Variants in LEPROT observed in about 807,000 individuals in gnomAD.
LEPROT encodes the protein leptin receptor gene-related protein.
Under a neutral mutation model 15.4 loss-of-function variants are expected in LEPROT, and 3 were observed. The ratio of observed to expected loss-of-function variants is 0.19; its 90% confidence interval spans 0.09 to 0.50. LEPROT has a LOEUF of 0.50. Among genes scored for constraint, LEPROT ranks in the 20% least tolerant of loss-of-function variants. The probability of loss-of-function intolerance (pLI) is 0.97; values close to 1 mark genes in which losing one functional copy is unlikely to be tolerated. For missense variants in LEPROT, 137 were observed against 162.2 expected (o/e 0.84, Z 0.84); for synonymous variants, 59 against 57.5 (o/e 1.03, Z -0.12).
intron 2 of LEPROT, among the ~76,000 whole-genome samples, chr1:65,426,172 C>T (rs575003739): frequency 2.6e-5 from 4 of 152,116 alleles, no homozygotes; most frequent in Admixed American, 1.3e-4. Context: ...GCAAGCAGGC[C>T]ATACAGATCT....
At chr1:65,421,235 A>C (rs1646243671) in intron 1 of LEPROT, 2 of 1,345,890 alleles carry the variant, frequency 1.5e-6, no homozygotes, top group Admixed American at 2.9e-5. Context: ...AATGGAAAGC[A>C]CCCAGAAAGA....
chr1:65,428,207 T>TTA (rs1159308157), intron 2 of LEPROT, among the ~76,000 whole-genome samples: 1 of 152,206 alleles, frequency 6.6e-6, no homozygotes, highest in Non-Finnish European at 1.5e-5. Flanking sequence ...TATTTACATT[T>TTA]TATATATAAA....
rs1405812433 is a variant in LEPROT, at chr1:65,433,185, C to T, written c.*1266C>T. ...CCCTCTGCCCCCCACCCCTACTCCTCAACAGTTCTGGTTTGCCCTGACTTC... is the reference window on the plus strand; with the variant it reads ...CCCTCTGCCCCCCACCCCTACTCCTTAACAGTTCTGGTTTGCCCTGACTTC... On this transcript the variant is annotated 3_prime_UTR_variant, in exon 4 of 4. Coordinates refer to ENST00000371065, the MANE Select transcript of LEPROT (RefSeq NM_017526.5). 11 of 985,350 alleles carry T rather than the reference C, an allele frequency of 1.1e-5. No homozygotes were observed. The highest frequency in any genetic ancestry group is 1.7e-5 in the African/African-American group (1 of 57,222). 61.0% of individuals were successfully genotyped at this position (985,350 alleles called of 1,614,324 possible).
rs556832881 is a variant in LEPROT at position 65,421,304 on chromosome 1, G to A, written c.16+564G>A. The A allele has an allele frequency of 2.9e-5, 43 of 1,507,850 alleles. No individual in the cohort carries two copies. The Middle Eastern group carries it at 5.1e-4, about 18-fold the overall frequency. The allele number at this position is 1,507,850 out of a possible 1,614,324, so 93.4% of individuals were successfully genotyped here. On this transcript the variant is annotated intron_variant, in intron 1 of 3. Coordinates refer to ENST00000371065, the MANE Select transcript of LEPROT (RefSeq NM_017526.5). ...GTGTAATTTTAATACTGCTTTCTTC[G>A]GTGTTTTCTCTGTTTATGGACAGAG...
intron 2 of LEPROT, among the ~76,000 whole-genome samples, chr1:65,429,337 A>T (rs527595989): frequency 9.3e-4 from 141 of 152,316 alleles, no homozygotes; most frequent in Non-Finnish European, 1.5e-3. Flanking sequence ...GACAGAAAAA[A>T]GGCTGGTGTG....
rs1275258697 is a variant in LEPROT, at chr1:65,435,867, A to G, written c.*3948A>G. 5.1e-6 allele frequency: 5 copies of G among 984,066 alleles called. No homozygotes were observed. The African/African-American group carries it at 8.7e-5, about 17-fold the overall frequency. The allele number at this position is 984,066 out of a possible 1,614,324, so 61.0% of individuals were successfully genotyped here. The stretch of plus-strand genomic sequence containing the variant: ...TTGTCTCATGAAGTACCTTATTGCA[A>G]AAATCCCACTGAGTAATAGCTCATA... On this transcript the variant is annotated 3_prime_UTR_variant, in exon 4 of 4. Transcript: ENST00000371065.
At chr1:65,431,453 A>G (rs1646483167) in intron 3 of LEPROT, among the ~76,000 whole-genome samples, 1 of 152,256 alleles carries the variant, frequency 6.6e-6, no homozygotes, top group Non-Finnish European at 1.5e-5. Context: ...TTTATTTTCC[A>G]TGAAAGAAGT....
intron 1 of LEPROT, among the ~76,000 whole-genome samples, chr1:65,421,894 G>A (rs1646258686): frequency 6.6e-6 from 1 of 152,194 alleles, no homozygotes; most frequent in Non-Finnish European, 1.5e-5. Context: ...AATGGAAACG[G>A]ACTAAGGGAA....
Position 65,435,805 on chromosome 1 carries a change from T to TAA in LEPROT, c.*3887_*3888insAA, listed in dbSNP as rs1283334033. 2 of 981,598 alleles carry TAA rather than the reference T, an allele frequency of 2.0e-6. No homozygotes were observed. Among genetic ancestry groups the TAA allele is most frequent in the Non-Finnish European group, 2.4e-6 (2 of 826,560 alleles). The allele number at this position is 981,598 out of a possible 1,614,324, so 60.8% of individuals were successfully genotyped here. A position where few individuals can be genotyped will look rare whatever the true frequency, so the allele number is the denominator to read the frequency against. On this transcript the variant is annotated 3_prime_UTR_variant, in exon 4 of 4. Coordinates refer to ENST00000371065, the MANE Select transcript of LEPROT (RefSeq NM_017526.5). ...TATTATGTCTGTAGTAGATAAATAT[T>TAA]AGTTGTGCATTTTAATTTAATTCTC... is the stretch of plus-strand genomic sequence containing the variant.
At chr1:65,426,238 T>TACAGATCTCTAGG (rs1646364017) in intron 2 of LEPROT, among the ~76,000 whole-genome samples, 4 of 152,018 alleles carry the variant, frequency 2.6e-5, no homozygotes, top group African/African-American at 7.3e-5. Context: ...CCCGGAGACA[T>TACAGATCTCTAGG]GAAAGTGTAT....
At position 65,429,935 on chromosome 1, in the gene LEPROT, A is replaced by T; in HGVS notation, c.166A>T (p.Thr56Ser). The change falls in exon 3 of 4, where the codon ACC (threonine) becomes TCC (serine). Residue 56 changes from threonine to serine, a missense_variant. Physicochemically the swap from Thr to Ser is moderately conservative, Grantham distance 58. Transcript: ENST00000371065. ...PIPHFIAKRV[T>S]YDSDATSSAC... ...CCCCCATTTCATTGCCAAAAGAGTCACCTATGACTCAGATGCAACCAGTAG... is the reference window on the plus strand; with the variant it reads ...CCCCCATTTCATTGCCAAAAGAGTCTCCTATGACTCAGATGCAACCAGTAG... The T allele has an allele frequency of 6.4e-7, 1 of 1,559,866 alleles. No individual in the cohort carries two copies. Among genetic ancestry groups the T allele is most frequent in the South Asian group, 1.2e-5 (1 of 85,408 alleles).
At chr1:65,431,084 T>G (rs900359011) in intron 3 of LEPROT, among the ~76,000 whole-genome samples, 3 of 152,212 alleles carry the variant, frequency 2.0e-5, no homozygotes, top group Non-Finnish European at 4.4e-5. Flanking sequence ...CCATGCCAGT[T>G]TGATCTTTGT....
chr1:65,429,836 G>T, intron 2 of LEPROT, 26 bp from the exon 3 acceptor site: 1 of 1,393,392 alleles, frequency 7.2e-7, no homozygotes, highest in South Asian at 1.9e-5. Context: ...TTTTCTTTTT[G>T]GATTTTGCCT....
intron 2 of LEPROT, among the ~76,000 whole-genome samples, chr1:65,425,632 A>G (rs1176878253): frequency 8.1e-6 from 1 of 123,914 alleles, no homozygotes; most frequent in East Asian, 2.0e-4. Context: ...ATGAAGAGAG[A>G]GTCCTGTCCT....
rs781569458 is a variant in LEPROT at position 65,431,805 on chromosome 1, C to A, written c.282C>A (p.Ile94=). 6.2e-7 allele frequency: 1 copy of A among 1,611,844 alleles called. No homozygotes were observed. Among genetic ancestry groups the A allele is most frequent in the South Asian group, 1.1e-5 (1 of 90,672 alleles). ...ATCCTTCTTTTCTTGTCTTTCAGAT[C>A]AAATGGGGAGCCTGCGGCCTTGTGT... The part of the protein sequence containing the change: ...FPVILARVAV[I]KWGACGLVLA... Residue 94 remains isoleucine (I), a splice_region_variant and synonymous_variant, in exon 4 of 4, where the codon ATC becomes ATA. Coordinates refer to ENST00000371065, the MANE Select transcript of LEPROT (RefSeq NM_017526.5).
Position 65,432,147 on chromosome 1 carries a change from T to A in LEPROT, c.*228T>A, listed in dbSNP as rs897785015. 2.5e-6 allele frequency: 3 copies of A among 1,209,070 alleles called. No homozygotes were observed. The highest frequency in any genetic ancestry group is 4.2e-5 in the Admixed American group (1 of 23,544). 74.9% of individuals were successfully genotyped at this position (1,209,070 alleles called of 1,614,324 possible). On this transcript the variant is annotated 3_prime_UTR_variant, in exon 4 of 4. Transcript: ENST00000371065. ...ACTCAAATTATGTTACTTGTTTGGC[T>A]GTTCATGTAGTCACGGTGCTCTCAG...
In LEPROT at chr1:65,432,828, G is replaced by T; in HGVS notation, c.*909G>T. 3.2e-6 allele frequency: 2 copies of T among 633,406 alleles called. No homozygotes were observed. The highest frequency in any genetic ancestry group is 3.9e-6 in the Non-Finnish European group (2 of 508,844). 39.2% of individuals were successfully genotyped at this position (633,406 alleles called of 1,614,324 possible). On this transcript the variant is annotated 3_prime_UTR_variant, in exon 4 of 4. Coordinates refer to ENST00000371065, the MANE Select transcript of LEPROT (RefSeq NM_017526.5). ...AAATTTCTAATGTTCTCATAAAAAA[G>T]TTAAATATTTGAGATCATATGTTAA...
Position 65,433,010 on chromosome 1 carries a change from A to G in LEPROT, c.*1091A>G. 1.0e-6 allele frequency: 1 copy of G among 985,426 alleles called. No individual in the cohort carries two copies. The highest frequency in any genetic ancestry group is 1.2e-6 in the Non-Finnish European group (1 of 829,914). 61.0% of individuals were successfully genotyped at this position (985,426 alleles called of 1,614,324 possible). On this transcript the variant is annotated 3_prime_UTR_variant, in exon 4 of 4. Coordinates refer to ENST00000371065, the MANE Select transcript of LEPROT (RefSeq NM_017526.5). ...CAGTGGGGAACAGATGTATCTTTTCATCTGAAAGACAATGCTGGGGGAAGA... is the reference window on the plus strand; with the variant it reads ...CAGTGGGGAACAGATGTATCTTTTCGTCTGAAAGACAATGCTGGGGGAAGA...
chr1:65,433,243 A>G lies in LEPROT; in HGVS notation c.*1324A>G, dbSNP rs1646513109. 8.1e-6 allele frequency: 8 copies of G among 985,108 alleles called. No homozygotes were observed. Among genetic ancestry groups the G allele is most frequent in the Non-Finnish European group, 9.6e-6 (8 of 829,956 alleles). 61.0% of individuals were successfully genotyped at this position (985,108 alleles called of 1,614,324 possible). A position where few individuals can be genotyped will look rare whatever the true frequency, so the allele number is the denominator to read the frequency against. On this transcript the variant is annotated 3_prime_UTR_variant, in exon 4 of 4. Transcript: ENST00000371065. ...CTCTGGCTTCTTCCCGAAGAGATAT[A>G]GGAGCCATGTAAGCACGCAGTGGGT...
Sources: allele counts gnomAD v4.1 joint callset (sites outside exome capture counted in the v4.1 genomes callset), GRCh38; gene constraint gnomAD v4.1.1; transcripts MANE v1.5; gene names NCBI Gene and HGNC (gene_info 2026-07-23, HGNC 2026-07-21).